POFUT3: variants seen among roughly 807,000 people sequenced by gnomAD.
The protein encoded by POFUT3 is GDP-fucose protein O-fucosyltransferase 3.
At chr8:33,329,725 T>C in the POFUT3 span, among the ~76,000 whole-genome samples, 1 of 152,214 alleles carries the variant, frequency 6.6e-6, no homozygotes, top group Non-Finnish European at 1.5e-5. Flanking sequence ...TGAGGTGTTC[T>C]TGCAAGATTT....
chr8:33,417,712 G>C, the POFUT3 span, among the ~76,000 whole-genome samples: 22 of 152,170 alleles, frequency 1.4e-4, no homozygotes, highest in East Asian at 4.3e-3. Context: ...TCTGGTACTC[G>C]CCTCCTCCAC....
At chr8:33,391,034 A>G in the POFUT3 span, among the ~76,000 whole-genome samples, 2 of 152,212 alleles carry the variant, frequency 1.3e-5, no homozygotes, top group African/African-American at 2.4e-5. Context: ...GTTTTTTTAA[A>G]ATAAATATAA....
the POFUT3 span, among the ~76,000 whole-genome samples, chr8:33,373,789 A>T: frequency 6.6e-6 from 1 of 152,178 alleles, no homozygotes; most frequent in Non-Finnish European, 1.5e-5. Flanking sequence ...GAGTAAAAGG[A>T]CTGTTCTTGA....
At chr8:33,471,941 A>C in the POFUT3 span, among the ~76,000 whole-genome samples, 2 of 152,200 alleles carry the variant, frequency 1.3e-5, no homozygotes, top group African/African-American at 2.4e-5. Flanking sequence ...AACGGAGACT[A>C]CGGTGCTGCT....
chr8:33,356,156 G>A, the POFUT3 span, among the ~76,000 whole-genome samples: 1 of 152,294 alleles, frequency 6.6e-6, no homozygotes, highest in East Asian at 1.9e-4. Flanking sequence ...CTTTATAGCA[G>A]CATGATCTAT....
the POFUT3 span, among the ~76,000 whole-genome samples, chr8:33,341,106 T>C: frequency 6.6e-6 from 1 of 152,032 alleles, no homozygotes; most frequent in Admixed American, 6.6e-5. Context: ...GTGACCACAA[T>C]GGAATCAAAC....
At chr8:33,353,430 C>A in the POFUT3 span, among the ~76,000 whole-genome samples, 1 of 152,074 alleles carries the variant, frequency 6.6e-6, no homozygotes, top group Non-Finnish European at 1.5e-5. Flanking sequence ...CAAGGTCATC[C>A]TAGAGGCTGC....
At chr8:33,318,868 A>AT in the POFUT3 span, among the ~76,000 whole-genome samples, 1 of 54,858 alleles carries the variant, frequency 1.8e-5, no homozygotes, top group Non-Finnish European at 2.7e-5. Context: ...TTTTATATAT[A>AT]TTTTTTATAT....
chr8:33,380,078 C>CTATATATACACTA, the POFUT3 span, among the ~76,000 whole-genome samples: 6 of 48,132 alleles, frequency 1.2e-4, no homozygotes, highest in Admixed American at 2.7e-4. Flanking sequence ...TATATATACA[C>CTATATATACACTA]TATATATACT....
chr8:33,320,564 T>G, the POFUT3 span, among the ~76,000 whole-genome samples: 1 of 152,086 alleles, frequency 6.6e-6, no homozygotes, highest in Non-Finnish European at 1.5e-5. Context: ...TCCATAGATC[T>G]GGGGTTACTT....
chr8:33,331,482 T>C, the POFUT3 span, among the ~76,000 whole-genome samples: 1 of 152,092 alleles, frequency 6.6e-6, no homozygotes, highest in South Asian at 2.1e-4. Flanking sequence ...GATAAATTCA[T>C]CAAGGGATGG....
the POFUT3 span, among the ~76,000 whole-genome samples, chr8:33,356,007 T>A: frequency 6.6e-6 from 1 of 152,172 alleles, no homozygotes; most frequent in Non-Finnish European, 1.5e-5. Flanking sequence ...GAACTCATCA[T>A]TTTTTATGGC....
the POFUT3 span, among the ~76,000 whole-genome samples, chr8:33,312,226 C>T: frequency 5.3e-5 from 8 of 150,834 alleles, no homozygotes; most frequent in African/African-American, 2.0e-4. Context: ...TGCACCACTG[C>T]ACTCCAGCCT....
chr8:33,330,299 C>T, the POFUT3 span, among the ~76,000 whole-genome samples: 1 of 152,066 alleles, frequency 6.6e-6, no homozygotes, highest in Non-Finnish European at 1.5e-5. Context: ...CAAAAATGAG[C>T]TGGGTGTGGT....
chr8:33,389,894 C>T, the POFUT3 span: 4 of 856,122 alleles, frequency 4.7e-6, no homozygotes, highest in Non-Finnish European at 7.3e-6. Flanking sequence ...GAGTCTGAGG[C>T]TATGAATAAG....
the POFUT3 span, among the ~76,000 whole-genome samples, chr8:33,437,074 A>C: frequency 2.9e-3 from 448 of 152,198 alleles, 2 homozygotes; most frequent in Admixed American, 4.3e-3. Flanking sequence ...AGCTGCATTC[A>C]TGTTGCTGTG....
the POFUT3 span, among the ~76,000 whole-genome samples, chr8:33,328,607 G>A: frequency 1.3e-5 from 2 of 152,130 alleles, no homozygotes; most frequent in Non-Finnish European, 2.9e-5. Flanking sequence ...GGTACCTTCT[G>A]TATTGTTCAC....
At chr8:33,314,731 TAGC>T in the POFUT3 span, among the ~76,000 whole-genome samples, 1 of 152,224 alleles carries the variant, frequency 6.6e-6, no homozygotes, top group Non-Finnish European at 1.5e-5. Flanking sequence ...AACGGTGATA[TAGC>T]AGGTTCTGAA....
chr8:33,470,466 A>C, the POFUT3 span, among the ~76,000 whole-genome samples: 2 of 152,072 alleles, frequency 1.3e-5, no homozygotes, highest in Non-Finnish European at 2.9e-5. Flanking sequence ...AAGACTATGA[A>C]GTTTATGTGT....
Sources: gnomAD v4.1 joint callset for allele counts (sites outside exome capture counted in the v4.1 genomes callset) on GRCh38, gnomAD v4.1.1 for gene constraint, MANE v1.5 for transcripts, NCBI Gene and HGNC (gene_info 2026-07-23, HGNC 2026-07-21) for gene names.